The following NEBL variants were observed in gnomAD, a reference collection of about 807,000 sequenced individuals.
The protein encoded by NEBL is LIM and SH3 protein 2.
Under a neutral mutation model 140.2 loss-of-function variants are expected in NEBL, and 122 were observed. The observed-to-expected ratio is 0.87, with a 90% confidence interval of 0.75 to 1.01. The LOEUF is 1.01. Ranked by LOEUF, NEBL falls within the 50% of genes least tolerant of loss-of-function variation. The pLI is 0.00. For missense variants in NEBL, 1,365 were observed against 1,231.3 expected (o/e 1.11, Z -1.62); for synonymous variants, 436 against 398.9 (o/e 1.09, Z -1.11).
intron 3 of NEBL, among the ~76,000 whole-genome samples, chr10:21,014,313 C>A (rs1361476895): frequency 2.6e-5 from 4 of 151,942 alleles, no homozygotes; most frequent in African/African-American, 9.7e-5. Flanking sequence ...TTATTACCAC[C>A]CTCTCTCCCA....
intron 2 of NEBL, among the ~76,000 whole-genome samples, chr10:21,100,224 C>T (rs1359317245): frequency 6.6e-6 from 1 of 152,142 alleles, no homozygotes; most frequent in Non-Finnish European, 1.5e-5. Flanking sequence ...ATTTACTAAG[C>T]GTGTGTGGGA....
chr10:21,260,524 T>A (rs565134732), intron 1 of NEBL, among the ~76,000 whole-genome samples: 1 of 152,364 alleles, frequency 6.6e-6, no homozygotes, highest in Admixed American at 6.5e-5. Context: ...AGTTATAAAC[T>A]GCCCTTGATT....
intron 14 of NEBL, 123 bp downstream of exon 14, chr10:20,835,390 C>T: frequency 1.2e-6 from 1 of 816,686 alleles, no homozygotes; most frequent in Middle Eastern, 2.2e-4. Context: ...GAATAGTCTC[C>T]ATTCCAAACT....
chr10:20,840,529 C>CTTTTT (rs1841314770), intron 13 of NEBL, among the ~76,000 whole-genome samples: 1 of 151,930 alleles, frequency 6.6e-6, no homozygotes, highest in Non-Finnish European at 1.5e-5. Context: ...TGGATTTTCT[C>CTTTTT]CAAAGTGGGG....
chr10:21,274,151 G>C (rs1842891156), intron 1 of NEBL, among the ~76,000 whole-genome samples: 1 of 152,204 alleles, frequency 6.6e-6, no homozygotes, highest in African/African-American at 2.4e-5. Context: ...CCAGTAACAA[G>C]AAAGTGAGGG....
At chr10:21,110,595 G>C (rs530568681) in intron 2 of NEBL, 1 of 244,972 alleles carries the variant, frequency 4.1e-6, no homozygotes, top group Non-Finnish European at 8.2e-6. Flanking sequence ...GCCCTGGTGT[G>C]ATTCTGTCCT....
At chr10:21,033,039 T>A (rs1833862564) in intron 2 of NEBL, among the ~76,000 whole-genome samples, 1 of 152,172 alleles carries the variant, frequency 6.6e-6, no homozygotes, top group Admixed American at 6.6e-5. Context: ...ACATATTGTT[T>A]AAGAAAAATA....
chr10:20,923,694 A>AAAAAAAG (rs1833721295), intron 4 of NEBL, among the ~76,000 whole-genome samples: 1 of 147,974 alleles, frequency 6.8e-6, no homozygotes, highest in Non-Finnish European at 1.5e-5. Context: ...AAAAAAAAAA[A>AAAAAAAG]AAGAAATGGT....
intron 4 of NEBL, among the ~76,000 whole-genome samples, chr10:20,908,006 A>T (rs1251466569): frequency 2.0e-5 from 3 of 152,180 alleles, no homozygotes; most frequent in Non-Finnish European, 4.4e-5. Flanking sequence ...TATAAAAATG[A>T]TGGGAGGCAG....
intron 3 of NEBL, among the ~76,000 whole-genome samples, chr10:21,209,577 A>C (rs1188710285): frequency 6.6e-6 from 1 of 152,128 alleles, no homozygotes; most frequent in Non-Finnish European, 1.5e-5. Context: ...CCAATAGCAC[A>C]TAAGCAGAAG....
chr10:21,169,049 CAAAAAAAA>C lies in NEBL; in HGVS notation c.164+3326_164+3333del, dbSNP rs147147865. ...GCGCTACAGAGTGAGACTCCGTCTA[CAAAAAAAA>C]AAAAAAAAAAATATATATATATATA... On this transcript the variant is annotated intron_variant, in intron 2 of 6. Transcript: ENST00000417816. Among the ~76,000 whole-genome samples, 40 of 25,520 alleles carry C rather than the reference CAAAAAAAA, an allele frequency of 1.6e-3. No individual in the cohort carries two copies. The South Asian group carries it at 0.021, about 14-fold the overall frequency. 16.7% of individuals were successfully genotyped at this position (25,520 alleles called of 152,430 possible). A position where few individuals can be genotyped will look rare whatever the true frequency, so the allele number is the denominator to read the frequency against.
At chr10:21,004,400 G>C (rs1838032704) in intron 3 of NEBL, among the ~76,000 whole-genome samples, 1 of 152,136 alleles carries the variant, frequency 6.6e-6, no homozygotes, top group African/African-American at 2.4e-5. Flanking sequence ...CTATGGAACT[G>C]GTTCTCAAAT....
intron 9 of NEBL, among the ~76,000 whole-genome samples, chr10:20,854,000 C>A (rs1377821934): frequency 2.0e-5 from 3 of 151,764 alleles, no homozygotes; most frequent in African/African-American, 7.3e-5. Flanking sequence ...TACATTTACC[C>A]CATAAATATA....
intron 4 of NEBL, among the ~76,000 whole-genome samples, chr10:20,935,537 A>G (rs141546898): frequency 0.011 from 1,678 of 152,262 alleles, 24 homozygotes; most frequent in African/African-American, 0.03. Context: ...ACTTTGGCAG[A>G]TCTCCTCCTT....
chr10:21,236,345 A>ATT (rs147170707), intron 3 of NEBL, among the ~76,000 whole-genome samples: 197 of 125,352 alleles, frequency 1.6e-3, no homozygotes, highest in Non-Finnish European at 2.4e-3. Context: ...CCTTTTTTTA[A>ATT]TTTTTTTTTT....
At chr10:20,904,394 C>T (rs1324602902) in intron 4 of NEBL, among the ~76,000 whole-genome samples, 1 of 152,020 alleles carries the variant, frequency 6.6e-6, no homozygotes, top group Non-Finnish European at 1.5e-5. Flanking sequence ...ATCTTTGAAA[C>T]GTGTTTATGT....
rs372838037 is a variant in NEBL at position 21,149,402 on chromosome 10, C to T, written c.164+22981G>A. 1.1e-4 allele frequency among the ~76,000 whole-genome samples: 16 copies of T among 152,206 alleles called. No homozygotes were observed. The South Asian group carries it at 1.2e-3, about 12-fold the overall frequency. On this transcript the variant is annotated intron_variant, in intron 2 of 6. Coordinates refer to the NEBL transcript ENST00000417816. Reference sequence around the variant, plus strand: ...GCCTCCTGGGTTCAAGCGATTCTCTCACCTCAGCCTCCTGAGTAGCTGGGA... The same window carrying T: ...GCCTCCTGGGTTCAAGCGATTCTCTTACCTCAGCCTCCTGAGTAGCTGGGA...
chr10:21,169,061 AAAAAAAATATATATATATATATAT>A (rs1444560023), intron 2 of NEBL, among the ~76,000 whole-genome samples: 2 of 41,728 alleles, frequency 4.8e-5, no homozygotes, highest in African/African-American at 7.4e-5. Flanking sequence ...AAAAAAAAAA[AAAAAAAATATATATATATATATAT>A]ATATATATAT....
At chr10:20,808,295 G>A (rs760785539) in intron 26 of NEBL, among the ~76,000 whole-genome samples, 44 of 151,560 alleles carry the variant, frequency 2.9e-4, no homozygotes, top group Non-Finnish European at 1.5e-4. Context: ...TAATAGTGAA[G>A]TAAGACGGGG....
Sources: allele counts gnomAD v4.1 joint callset (sites outside exome capture counted in the v4.1 genomes callset), GRCh38; gene constraint gnomAD v4.1.1; transcripts MANE v1.5; gene names NCBI Gene and HGNC (gene_info 2026-07-23, HGNC 2026-07-21).